Variants in MSRA observed in about 807,000 individuals in gnomAD.
The protein encoded by MSRA is methionine sulfoxide reductase A.
Under a neutral mutation model 31.3 loss-of-function variants are expected in MSRA, and 54 were observed. The ratio of observed to expected loss-of-function variants is 1.73; its 90% CI spans 1.39 to 2.17. The LOEUF is 2.17. Among genes scored for constraint, MSRA ranks in the 30% most tolerant of loss-of-function variants. MSRA has a pLI of 0.00. For synonymous variants in MSRA, 169 were observed against 116.5 expected (o/e 1.45, Z -2.90); for missense variants, 507 against 300.9 (o/e 1.69, Z -5.07).
chr8:10,253,634 T>C (rs188557611), intron 3 of MSRA, among the ~76,000 whole-genome samples: 7 of 152,218 alleles, frequency 4.6e-5, no homozygotes, highest in South Asian at 2.1e-4. Context: ...GAATTTGATA[T>C]AGCAAGCAGT....
chr8:10,240,856 C>T (rs1394972849), intron 2 of MSRA, among the ~76,000 whole-genome samples: 7 of 146,356 alleles, frequency 4.8e-5, no homozygotes, highest in African/African-American at 7.4e-5. Context: ...TCCCCCAAAT[C>T]GGCCTTTCTC....
intron 2 of MSRA, among the ~76,000 whole-genome samples, chr8:10,219,753 C>G (rs1585199060): frequency 7.0e-6 from 1 of 142,974 alleles, no homozygotes; most frequent in South Asian, 2.2e-4. Context: ...TTGCAGTGAG[C>G]CAAGATCGCA....
At chr8:10,192,459 C>G (rs1018829850) in intron 1 of MSRA, among the ~76,000 whole-genome samples, 4 of 152,178 alleles carry the variant, frequency 2.6e-5, no homozygotes, top group African/African-American at 9.7e-5. Context: ...GCCAGAAACA[C>G]CCAGCTTCCT....
rs542022904 is a variant in MSRA at position 10,328,958 on chromosome 8, C to T, written c.543+8969C>T. 9.3e-4 allele frequency among the ~76,000 whole-genome samples: 142 copies of T among 152,256 alleles called. 1 individual carries two copies. In the Middle Eastern group the frequency reaches 0.017, roughly 18 times the overall value. ...CTGTGGACATGCTGCCTGGTTGAGG[C>T]TATGCTGTATATTAAAAGGAAGGAT... On this transcript the variant is annotated intron_variant, in intron 5 of 5. Transcript: ENST00000317173.
intron 4 of MSRA, among the ~76,000 whole-genome samples, chr8:10,309,102 C>T (rs1801294989): frequency 6.6e-6 from 1 of 152,204 alleles, no homozygotes; most frequent in African/African-American, 2.4e-5. Flanking sequence ...CAGTCCCAGC[C>T]CTCACCCCCA....
Position 10,054,598 on chromosome 8 carries a change from T to C in MSRA, c.82T>C (p.Ser28Pro), listed in dbSNP as rs775247841. Residue 28 changes from serine (S) to proline (P), a missense_variant, in exon 1 of 6, where the codon TCG becomes CCG. By Grantham distance (74) the Ser-to-Pro change is moderately conservative. Coordinates refer to ENST00000317173, the MANE Select transcript of MSRA (RefSeq NM_012331.5). ...FPVPRMGNSA[S>P]NIVSPQEALP... ...CGTCCCGAGGATGGGCAACTCGGCC[T>C]CGAACATCGTCAGCCCCCAGGAGGC... 1 of 1,580,578 alleles carries C rather than the reference T, an allele frequency of 6.3e-7. No individual in the cohort carries two copies.
chr8:10,311,918 A>G (rs1450344566), intron 4 of MSRA, among the ~76,000 whole-genome samples: 1 of 152,232 alleles, frequency 6.6e-6, no homozygotes, highest in Non-Finnish European at 1.5e-5. Flanking sequence ...GCTTGCCTGA[A>G]AAAAACAAAT....
intron 1 of MSRA, among the ~76,000 whole-genome samples, chr8:10,065,411 C>G (rs1186987651): frequency 6.6e-6 from 1 of 152,194 alleles, no homozygotes; most frequent in African/African-American, 2.4e-5. Context: ...TATGCTCATA[C>G]TAACAAGCTC....
intron 2 of MSRA, among the ~76,000 whole-genome samples, chr8:10,211,334 T>C (rs1306894026): frequency 6.6e-6 from 1 of 152,172 alleles, no homozygotes; most frequent in South Asian, 2.1e-4. Flanking sequence ...AGTTAGTTTT[T>C]CTCCTGGTCT....
intron 1 of MSRA, among the ~76,000 whole-genome samples, chr8:10,066,256 G>C (rs552956332): frequency 2.0e-5 from 3 of 152,130 alleles, no homozygotes; most frequent in African/African-American, 7.2e-5. Flanking sequence ...CAGAGTGCTG[G>C]GATTACAGGC....
chr8:10,181,438 A>C (rs1806528870), intron 1 of MSRA, among the ~76,000 whole-genome samples: 1 of 146,824 alleles, frequency 6.8e-6, no homozygotes, highest in Non-Finnish European at 1.5e-5. Context: ...TAATAATAAT[A>C]AAATTAAAAA....
chr8:10,155,990 C>T (rs1016419953), intron 1 of MSRA, among the ~76,000 whole-genome samples: 5 of 152,074 alleles, frequency 3.3e-5, no homozygotes, highest in African/African-American at 9.7e-5. Context: ...AGAGATTGGC[C>T]GTGACCTTAA....
chr8:10,279,086 T>G (rs143995267), intron 3 of MSRA, among the ~76,000 whole-genome samples: 1 of 152,326 alleles, frequency 6.6e-6, no homozygotes, highest in African/African-American at 2.4e-5. Flanking sequence ...TCTTGTTGTT[T>G]CCTACCATAA....
intron 1 of MSRA, among the ~76,000 whole-genome samples, chr8:10,106,882 C>G (rs1232986803): frequency 2.0e-5 from 3 of 151,894 alleles, no homozygotes; most frequent in African/African-American, 7.3e-5. Context: ...CCTACCCCTT[C>G]CCTCCACCCG....
intron 3 of MSRA, among the ~76,000 whole-genome samples, chr8:10,299,282 A>G (rs890228820): frequency 6.6e-6 from 1 of 152,100 alleles, no homozygotes; most frequent in African/African-American, 2.4e-5. Context: ...CATGCCAAAT[A>G]TGTCTGTCAT....
At chr8:10,074,831 A>C (rs912608043) in intron 1 of MSRA, among the ~76,000 whole-genome samples, 5 of 151,808 alleles carry the variant, frequency 3.3e-5, no homozygotes, top group Admixed American at 2.0e-4. Context: ...GCTAATTTTT[A>C]GAGATTACCC....
chr8:10,095,665 C>T, intron 1 of MSRA: 2 of 1,005,480 alleles, frequency 2.0e-6, no homozygotes, highest in Non-Finnish European at 2.4e-6. Flanking sequence ...GCTTTCTCGG[C>T]TTGAGCTTCA....
intron 3 of MSRA, among the ~76,000 whole-genome samples, chr8:10,254,330 G>A (rs958274259): frequency 1.3e-5 from 2 of 152,046 alleles, no homozygotes; most frequent in Non-Finnish European, 2.9e-5. Context: ...TCTTCCTCCT[G>A]CTTCCCCTCT....
intron 5 of MSRA, among the ~76,000 whole-genome samples, chr8:10,364,667 G>C (rs6601447): frequency 0.81 from 123,581 of 152,234 alleles, 51,547 homozygotes; most frequent in Non-Finnish European, 0.9. Context: ...GAAAAGCATT[G>C]TGTATCTTCA....
Sources: gnomAD v4.1 joint callset for allele counts (sites outside exome capture counted in the v4.1 genomes callset) on GRCh38, gnomAD v4.1.1 for gene constraint, MANE v1.5 for transcripts, NCBI Gene and HGNC (gene_info 2026-07-23, HGNC 2026-07-21) for gene names.